Variants in DDOST observed in about 807,000 individuals in gnomAD.
DDOST encodes the protein dolichyl-diphosphooligosaccharide--protein glycosyltransferase non-catalytic subunit.
DDOST carries 25 observed loss-of-function variants against 47.6 expected under a neutral mutation model. That is an observed-to-expected ratio of 0.53 (90% confidence interval 0.38 to 0.73). The LOEUF is 0.73. Ranked by LOEUF, DDOST falls within the 30% of genes least tolerant of loss-of-function variation. The pLI is 0.00. For synonymous variants in DDOST, 275 were observed against 236.0 expected, an observed-to-expected ratio of 1.17 and a Z score of -1.51; for missense variants, 526 against 573.9, an observed-to-expected ratio of 0.92 and a Z score of 0.85.
intron 3 of DDOST, 56 bp from the exon 4 acceptor site, chr1:20,655,835 G>T: frequency 6.9e-7 from 1 of 1,449,894 alleles, no homozygotes; most frequent in Non-Finnish European, 9.7e-7. Context: ...CTTGGGCCAA[G>T]TGTCCTTGGC....
Position 20,652,115 on chromosome 1 carries a change from G to A in DDOST, c.*264C>T, listed in dbSNP as rs7539142. 599 of 298,446 alleles carry A rather than the reference G, an allele frequency of 2.0e-3. 4 individuals carry two copies. The highest frequency in any genetic ancestry group is 0.012 in the African/African-American group (565 of 45,478). The allele number at this position is 298,446 out of a possible 1,614,324, so 18.5% of individuals were successfully genotyped here. ...GCTGGGATTACAGGCATGAGCCACC[G>A]TGCCTGGCCACGTCCCTATTTTAGA... is the stretch of plus-strand genomic sequence containing the variant. On this transcript the variant is annotated 3_prime_UTR_variant, in exon 11 of 11. Transcript: ENST00000602624.
Position 20,661,268 on chromosome 1 carries a change from G to C in DDOST, c.83C>G (p.Pro28Arg), listed in dbSNP as rs528257664. 1 of 1,614,024 alleles carries C rather than the reference G, an allele frequency of 6.2e-7. No individual in the cohort carries two copies. The highest frequency in any genetic ancestry group is 2.2e-5 in the East Asian group (1 of 44,884). ...PLLGAVCASG[P>R]RTLVLLDNLN... is the part of the protein sequence containing the mutation. ...GTTGTCCAGCAGCACTAAGGTGCGG[G>C]GTCCGCTGGCGCAAACCGCGCCAAG... Residue 28 changes from proline (P) to arginine (R), a missense_variant, in exon 1 of 11, where the codon CCC (proline) becomes CGC (arginine). Physicochemically the swap from Pro to Arg is moderately radical, Grantham distance 103 (BLOSUM62 -2). Transcript: ENST00000602624.
intron 3 of DDOST, 118 bp downstream of exon 3, chr1:20,655,983 T>G (rs987320613): frequency 2.2e-6 from 2 of 929,200 alleles, no homozygotes; most frequent in Middle Eastern, 2.3e-4. Flanking sequence ...AACGGTTCCC[T>G]CACTGACTCC....
At position 20,652,898 on chromosome 1, in the gene DDOST, T is replaced by G. The variant is rs770209876; in HGVS notation, c.1016A>C (p.Glu339Ala). Reference protein sequence around the residue: ...VPFDGDDIQLEFVRIDPFVRT... With the variant: ...VPFDGDDIQLAFVRIDPFVRT... ...CACAAAAGGATCAATGCGGACAAAC[T>G]CCAGCTGAATGTCATCGCCATCAAA... Residue 339 changes from glutamate to alanine, a missense_variant, in exon 9 of 11, where the codon GAG becomes GCG. Glu to Ala is a moderately radical substitution (Grantham distance 107, BLOSUM62 -1). Coordinates refer to ENST00000602624, the MANE Select transcript of DDOST (RefSeq NM_005216.5). 6.8e-6 allele frequency: 11 copies of G among 1,614,164 alleles called. No homozygotes were observed. The highest frequency in any genetic ancestry group is 8.5e-6 in the Non-Finnish European group (10 of 1,180,030).
chr1:20,656,754 CT>C, intron 2 of DDOST, among the ~76,000 whole-genome samples: 1 of 152,188 alleles, frequency 6.6e-6, no homozygotes, highest in Admixed American at 6.5e-5. Flanking sequence ...CAGTACACTG[CT>C]TTTTAAAAAG....
Position 20,652,702 on chromosome 1 carries a change from C to G in DDOST, c.1089G>C (p.Lys363Asn). Residue 363 changes from lysine to asparagine, a missense_variant, in exon 10 of 11, where the codon AAG (lysine) becomes AAC (asparagine). Coordinates refer to ENST00000602624, the MANE Select transcript of DDOST (RefSeq NM_005216.5). Reference sequence around the variant, plus strand: ...GGAATACACCATACACGTCGGGCAACTTGAACTGAACACTGTATTTGCCAC... The same window carrying G: ...GGAATACACCATACACGTCGGGCAAGTTGAACTGAACACTGTATTTGCCAC... ...KKGGKYSVQF[K>N]LPDVYGVFQF... is the part of the protein sequence containing the mutation. The G allele has an allele frequency of 6.2e-7, 1 of 1,614,244 alleles. No homozygotes were observed. The highest frequency in any genetic ancestry group is 8.5e-7 in the Non-Finnish European group (1 of 1,180,040).
chr1:20,655,329 C>A, intron 5 of DDOST, 111 bp downstream of exon 5: 1 of 763,950 alleles, frequency 1.3e-6, no homozygotes, highest in South Asian at 1.6e-5. Flanking sequence ...ACAAATTAAT[C>A]CCATCTACGT....
At position 20,654,685 on chromosome 1, in the gene DDOST, G is replaced by A. The variant is rs778443667; in HGVS notation, c.574C>T (p.Pro192Ser). The change falls in exon 6 of 11, where the codon CCT (proline) becomes TCT (serine). Residue 192 changes from proline to serine, a missense_variant. By Grantham distance (74) the Pro-to-Ser change is moderately conservative. Coordinates refer to ENST00000602624, the MANE Select transcript of DDOST (RefSeq NM_005216.5). ...CCCGTCAGGATGTCCAGCACCAAAGGGTTATCAGGATCGGCCACCATCCTG... is the reference window on the plus strand; with the variant it reads ...CCCGTCAGGATGTCCAGCACCAAAGAGTTATCAGGATCGGCCACCATCCTG... ...GVGMVADPDN[P>S]LVLDILTGSS... 1.3e-6 allele frequency: 2 copies of A among 1,560,066 alleles called. No homozygotes were observed. The highest frequency in any genetic ancestry group is 2.7e-5 in the African/African-American group (2 of 73,556).
intron 4 of DDOST, 67 bp downstream of exon 4, chr1:20,655,609 T>C: frequency 1.9e-6 from 3 of 1,594,874 alleles, no homozygotes; most frequent in Admixed American, 1.7e-5. Context: ...TCACACCCTC[T>C]TGGCTTTTGG....
intron 9 of DDOST, 24 bp downstream of exon 9, chr1:20,652,827 T>G: frequency 6.2e-7 from 1 of 1,613,996 alleles, no homozygotes; most frequent in Non-Finnish European, 8.5e-7. Context: ...TCTGGCAGCA[T>G]CCTCGTGCAG....
Position 20,653,768 on chromosome 1 carries a change from G to T in DDOST, c.801C>A (p.Ser267=). The change falls in exon 8 of 11, where the codon TCC becomes TCA. Residue 267 remains serine (S), a synonymous_variant. Coordinates refer to ENST00000602624, the MANE Select transcript of DDOST (RefSeq NM_005216.5). ...QKAAPGSQRY[S]QTGNYELAVA... ...CAGCTAGTTCATAGTTGCCTGTCTG[G>T]GAATACCTGCAGGAGGGAAACAGGA... 6.2e-7 allele frequency: 1 copy of T among 1,613,060 alleles called. No homozygotes were observed. Among genetic ancestry groups the T allele is most frequent in the Non-Finnish European group, 8.5e-7 (1 of 1,179,362 alleles).
At position 20,652,443 on chromosome 1, in the gene DDOST, A is replaced by G. The variant is rs2053303522; in HGVS notation, c.1256T>C (p.Met419Thr). The G allele has an allele frequency of 6.2e-7, 1 of 1,614,010 alleles. No homozygotes were observed. The highest frequency in any genetic ancestry group is 8.5e-7 in the Non-Finnish European group (1 of 1,179,994). Residue 419 changes from methionine (M) to threonine (T), a missense_variant, in exon 11 of 11, where the codon ATG becomes ACG. Transcript: ENST00000602624. Reference protein sequence around the residue: ...YPYYASAFSMMLGLFIFSIVF... With the variant: ...YPYYASAFSMTLGLFIFSIVF... ...GATGCTGAAGATGAAGAGCCCCAGC[A>G]TCATGGAGAAGGCGCTGGCGTAGTA...
rs192228415 is a variant in DDOST at position 20,655,638 on chromosome 1, T to C, written c.456+38A>G. 3.8e-6 allele frequency: 6 copies of C among 1,597,372 alleles called. No individual in the cohort carries two copies. In the Admixed American group the frequency reaches 1.0e-4, roughly 27 times the overall value. ...CTTTTGGCTAAGCAGAGCTTTGCCATATGCCCCTGAAACCTGGAAGGTGAC... is the reference window on the plus strand; with the variant it reads ...CTTTTGGCTAAGCAGAGCTTTGCCACATGCCCCTGAAACCTGGAAGGTGAC... On this transcript the variant is annotated intron_variant, in intron 4 of 10. Transcript: ENST00000602624.
chr1:20,659,891 A>G (rs1476781200), intron 2 of DDOST, among the ~76,000 whole-genome samples: 1 of 152,208 alleles, frequency 6.6e-6, no homozygotes, highest in African/African-American at 2.4e-5. Context: ...CCTGGGGGAC[A>G]AAGCAAGACC....
chr1:20,651,808 T>TATTTATTTATTTA lies in DDOST; in HGVS notation c.*558_*570dup. 3.6e-5 allele frequency: 2 copies of TATTTATTTATTTA among 54,890 alleles called. No individual in the cohort carries two copies. The highest frequency in any genetic ancestry group is 8.3e-5 in the Non-Finnish European group (2 of 23,990). The allele number at this position is 54,890 out of a possible 1,614,324, so 3.4% of individuals were successfully genotyped here. A position where few individuals can be genotyped will look rare whatever the true frequency, so the allele number is the denominator to read the frequency against. On this transcript the variant is annotated 3_prime_UTR_variant, in exon 11 of 11. Transcript: ENST00000602624. ...GGCAACATCTCGCTTTATTTTTATT[T>TATTTATTTATTTA]ATTTATTTATTTATTTATTTATTTA...
In DDOST at chr1:20,652,613, G is replaced by A. The variant is rs770836120; in HGVS notation, c.1170+8C>T. ...TAGCTGAAAACAGAAGCTGTCACCT[G>A]TGCTTACCTGAGTGGAAGAGTACAG... On this transcript the variant is annotated splice_region_variant and intron_variant, in intron 10 of 10. Coordinates refer to ENST00000602624, the MANE Select transcript of DDOST (RefSeq NM_005216.5). The A allele has an allele frequency of 5.0e-6, 8 of 1,614,052 alleles. No homozygotes were observed. The highest frequency in any genetic ancestry group is 2.7e-5 in the African/African-American group (2 of 74,940).
chr1:20,654,758 G>T, intron 5 of DDOST, 51 bp from the exon 6 acceptor site: 1 of 1,269,350 alleles, frequency 7.9e-7, no homozygotes, highest in Non-Finnish European at 1.1e-6. Context: ...CTGAGCCCAA[G>T]GACATGGGAT....
chr1:20,652,436 C>G lies in DDOST; in HGVS notation c.1263G>C (p.Gly421=). The change falls in exon 11 of 11, where the codon GGG becomes GGC. Residue 421 remains glycine (G), a synonymous_variant. Transcript: ENST00000602624. The part of the protein sequence containing the change: ...YYASAFSMML[G]LFIFSIVFLH... The stretch of plus-strand genomic sequence containing the variant: ...AGAAGACGATGCTGAAGATGAAGAG[C>G]CCCAGCATCATGGAGAAGGCGCTGG... 1 of 1,613,966 alleles carries G rather than the reference C, an allele frequency of 6.2e-7. No individual in the cohort carries two copies.
In DDOST at chr1:20,656,008, C is replaced by T. The variant is rs1020632956; in HGVS notation, c.352+93G>A. 45 of 1,123,948 alleles carry T rather than the reference C, an allele frequency of 4.0e-5. No homozygotes were observed. The Middle Eastern group carries it at 9.9e-4, about 25-fold the overall frequency. 69.6% of individuals were successfully genotyped at this position (1,123,948 alleles called of 1,614,324 possible). The stretch of plus-strand genomic sequence containing the variant: ...TCACTGACTCCCCAGCTAAGGCCCA[C>T]CCAGTGAATGCTAATTTGGCAGCTT... On this transcript the variant is annotated intron_variant, in intron 3 of 10. Coordinates refer to ENST00000602624, the MANE Select transcript of DDOST (RefSeq NM_005216.5).
Sources: allele counts gnomAD v4.1 joint callset (sites outside exome capture counted in the v4.1 genomes callset), GRCh38; gene constraint gnomAD v4.1.1; transcripts MANE v1.5; gene names NCBI Gene and HGNC (gene_info 2026-07-23, HGNC 2026-07-21).